ZMAT3: variants seen among roughly 807,000 people sequenced by gnomAD.
ZMAT3 encodes the protein zinc finger matrin-type protein 3.
Under a neutral mutation model 32.3 loss-of-function variants are expected in ZMAT3, and 17 were observed. The ratio of observed to expected loss-of-function variants is 0.53; its 90% CI spans 0.36 to 0.79. The LOEUF (loss-of-function observed/expected upper bound fraction) is 0.79, where lower values mean the gene tolerates loss of function less well. Ranked by LOEUF, ZMAT3 falls within the 30% of genes least tolerant of loss-of-function variation. The pLI is 0.00. For synonymous variants in ZMAT3, 120 were observed against 133.1 expected (o/e 0.90, Z 0.68); for missense variants, 329 against 359.7 (o/e 0.91, Z 0.69).
In ZMAT3 at chr3:179,022,706, G is replaced by A. The variant is rs1297905532; in HGVS notation, c.*2311C>T. ...GTCTAGATAGAATCCTAACAGAATA[G>A]TATTTGATTCTTCTGTTTCTGGGAG... On this transcript the variant is annotated 3_prime_UTR_variant, in exon 6 of 6. Transcript: ENST00000311417. 1.3e-5 allele frequency: 2 copies of A among 151,736 alleles called. No homozygotes were observed. Among genetic ancestry groups the A allele is most frequent in the African/African-American group, 4.8e-5 (2 of 41,316 alleles). The allele number at this position is 151,736 out of a possible 1,614,324, so 9.4% of individuals were successfully genotyped here.
chr3:179,027,317 T>C, intron 5 of ZMAT3, 106 bp downstream of exon 5: 1 of 974,496 alleles, frequency 1.0e-6, no homozygotes, highest in Non-Finnish European at 1.5e-6. Context: ...AATAAAACAC[T>C]GACTAACTCC....
chr3:179,070,941 T>C (rs1576885752), intron 1 of ZMAT3, among the ~76,000 whole-genome samples: 1 of 152,198 alleles, frequency 6.6e-6, no homozygotes, highest in African/African-American at 2.4e-5. Context: ...GGAAAGAGAA[T>C]AGAATAAAGG....
chr3:179,071,960 C>T (rs1721752404), upstream of ZMAT3: 1 of 152,874 alleles, frequency 6.5e-6, no homozygotes, highest in Non-Finnish European at 1.5e-5. Flanking sequence ...GGTCAGGTGC[C>T]CTGGCCGCGA....
chr3:179,059,581 C>G (rs987544552), intron 2 of ZMAT3, among the ~76,000 whole-genome samples: 1 of 152,154 alleles, frequency 6.6e-6, no homozygotes. Context: ...CTTCCAGAAT[C>G]AAGGCTGTAA....
chr3:179,025,933 A>C (rs1011342021), intron 5 of ZMAT3, among the ~76,000 whole-genome samples: 1 of 152,202 alleles, frequency 6.6e-6, no homozygotes, highest in African/African-American at 2.4e-5. Flanking sequence ...TGACCTCATA[A>C]GCTGGACGCT....
At chr3:179,057,640 C>T (rs575215257) in intron 2 of ZMAT3, among the ~76,000 whole-genome samples, 4 of 152,238 alleles carry the variant, frequency 2.6e-5, no homozygotes, top group Non-Finnish European at 5.9e-5. Context: ...TACAAGGTTT[C>T]CAAACCAAAG....
chr3:179,068,467 G>C (rs189205847), intron 1 of ZMAT3, among the ~76,000 whole-genome samples: 103 of 152,012 alleles, frequency 6.8e-4, no homozygotes, highest in African/African-American at 2.3e-3. Flanking sequence ...AGCCGAGATC[G>C]TGCCATTGCA....
chr3:179,035,922 T>C (rs1719564860), intron 2 of ZMAT3, among the ~76,000 whole-genome samples: 1 of 152,152 alleles, frequency 6.6e-6, no homozygotes, highest in Non-Finnish European at 1.5e-5. Context: ...AAAAGAAAAC[T>C]GTGCACCAAG....
At position 179,065,845 on chromosome 3, in the gene ZMAT3, G is replaced by A. The variant is rs1721387951; in HGVS notation, c.270+1638C>T. 2.6e-5 allele frequency among the ~76,000 whole-genome samples: 4 copies of A among 152,152 alleles called. No individual in the cohort carries two copies. In the South Asian group the frequency reaches 6.2e-4, roughly 24 times the overall value. Reference sequence around the variant, plus strand: ...CGCTTGAACCCCGGAGACAGGGGCTGCAGTGAGCCAAGATCGCGCCACTGC... The same window carrying A: ...CGCTTGAACCCCGGAGACAGGGGCTACAGTGAGCCAAGATCGCGCCACTGC... On this transcript the variant is annotated intron_variant, in intron 2 of 5. Coordinates refer to ENST00000311417, the MANE Select transcript of ZMAT3 (RefSeq NM_022470.4).
chr3:179,048,509 A>T (rs750848014), intron 2 of ZMAT3, among the ~76,000 whole-genome samples: 3 of 152,256 alleles, frequency 2.0e-5, no homozygotes, highest in Non-Finnish European at 2.9e-5. Flanking sequence ...TCCTATCTTT[A>T]GCCTTCTTAA....
intron 2 of ZMAT3, among the ~76,000 whole-genome samples, chr3:179,042,129 G>A (rs1719971570): frequency 1.3e-5 from 2 of 152,168 alleles, no homozygotes; most frequent in South Asian, 4.1e-4. Flanking sequence ...GGGCCAGACA[G>A]ATTCACAGCC....
In ZMAT3 at chr3:179,025,242, T is replaced by C. The variant is rs781563175; in HGVS notation, c.659-14A>G. 2 of 1,577,140 alleles carry C rather than the reference T, an allele frequency of 1.3e-6. No homozygotes were observed. The highest frequency in any genetic ancestry group is 1.4e-5 in the African/African-American group (1 of 73,408). On this transcript the variant is annotated splice_polypyrimidine_tract_variant and intron_variant, in intron 5 of 5. Coordinates refer to ENST00000311417, the MANE Select transcript of ZMAT3 (RefSeq NM_022470.4). ...AGTAAGGACCTGCTAAAGCAAGAGA[T>C]AAAAATAATATATTCAAAATATTCA...
Position 179,046,723 on chromosome 3 carries a change from G to A in ZMAT3, c.271-15724C>T, listed in dbSNP as rs1165739940. Among the ~76,000 whole-genome samples the A allele has an allele frequency of 6.6e-6, 1 of 152,194 alleles. No homozygotes were observed. The highest frequency in any genetic ancestry group is 2.4e-5 in the African/African-American group (1 of 41,452). ...GATGCATGGGAGCTGGGTGAGGCCT[G>A]TAACAGCCAGCTTTCCCCCAATTCC... On this transcript the variant is annotated intron_variant, in intron 2 of 5. Coordinates refer to ENST00000311417, the MANE Select transcript of ZMAT3 (RefSeq NM_022470.4). This position sits in a 1 kb window ranked among gnomAD's most constrained non-coding sequence, Gnocchi z 4.3.
intron 2 of ZMAT3, among the ~76,000 whole-genome samples, chr3:179,054,459 T>TA (rs1397298223): frequency 6.6e-6 from 1 of 152,218 alleles, no homozygotes; most frequent in African/African-American, 2.4e-5. Context: ...GAATTGAGAA[T>TA]AAAAAATCTG....
At chr3:179,060,754 C>T (rs915618615) in intron 2 of ZMAT3, among the ~76,000 whole-genome samples, 1 of 152,006 alleles carries the variant, frequency 6.6e-6, no homozygotes, top group African/African-American at 2.4e-5. Context: ...CTGGGGAAAA[C>T]TAGACACAAC....
intron 2 of ZMAT3, among the ~76,000 whole-genome samples, chr3:179,061,370 AG>A (rs1721144168): frequency 6.6e-6 from 1 of 152,196 alleles, no homozygotes; most frequent in African/African-American, 2.4e-5. Context: ...AGAGGGGAGA[AG>A]AAAAGCAACT....
At chr3:179,037,047 GC>G (rs758301896) in intron 2 of ZMAT3, among the ~76,000 whole-genome samples, 19 of 152,156 alleles carry the variant, frequency 1.2e-4, no homozygotes, top group Admixed American at 8.5e-4. Context: ...TCACTCTTGG[GC>G]CCCCTCTCTG....
intron 2 of ZMAT3, among the ~76,000 whole-genome samples, chr3:179,056,436 A>G (rs1320801376): frequency 6.6e-6 from 1 of 152,188 alleles, no homozygotes; most frequent in East Asian, 1.9e-4. Flanking sequence ...GCTGGCTTCC[A>G]GTGCGGTCTA....
At position 179,024,563 on chromosome 3, in the gene ZMAT3, A is replaced by G. The variant is rs1322571133; in HGVS notation, c.*454T>C. On this transcript the variant is annotated 3_prime_UTR_variant, in exon 6 of 6. Coordinates refer to ENST00000311417, the MANE Select transcript of ZMAT3 (RefSeq NM_022470.4). ...TGCATTGAGGTGGCGGTTCTGGTTA[A>G]GCCCTGGGAAACTGAAATCTCTGCC... is the stretch of plus-strand genomic sequence containing the variant. 3.0e-5 allele frequency: 5 copies of G among 164,692 alleles called. No homozygotes were observed. Among genetic ancestry groups the G allele is most frequent in the African/African-American group, 4.8e-5 (2 of 41,786 alleles). 10.2% of individuals were successfully genotyped at this position (164,692 alleles called of 1,614,324 possible). A position where few individuals can be genotyped will look rare whatever the true frequency, so the allele number is the denominator to read the frequency against.
Sources: gnomAD v4.1 joint callset for allele counts (sites outside exome capture counted in the v4.1 genomes callset) on GRCh38, gnomAD v4.1.1 for gene constraint, Gnocchi (gnomAD v3.1) non-coding constraint, MANE v1.5 for transcripts, NCBI Gene and HGNC (gene_info 2026-07-23, HGNC 2026-07-21) for gene names.